Variants in KDM3B observed in about 807,000 individuals in gnomAD.
KDM3B encodes the protein lysine demethylase 3B.
Under a neutral mutation model 170.0 loss-of-function variants are expected in KDM3B, and 10 were observed. That is an observed-to-expected ratio of 0.06 (90% CI 0.04 to 0.10). The LOEUF is 0.10. Ranked by LOEUF, KDM3B falls within the 10% of genes least tolerant of loss-of-function variation. The pLI is 1.00. For synonymous variants in KDM3B, 831 were observed against 834.8 expected, an observed-to-expected ratio of 1.00 and a Z score of 0.08; for missense variants, 1,394 against 2,195.2, an observed-to-expected ratio of 0.64 and a Z score of 7.29.
intron 9 of KDM3B, among the ~76,000 whole-genome samples, chr5:138,394,987 G>A (rs1027686470): frequency 6.6e-6 from 1 of 152,142 alleles, no homozygotes; most frequent in African/African-American, 2.4e-5. Flanking sequence ...ACTTAAGGAT[G>A]ATTCTATGTC....
At chr5:138,360,522 T>TTGTGTG (rs55976818) in intron 1 of KDM3B, among the ~76,000 whole-genome samples, 7,478 of 137,888 alleles carry the variant, frequency 0.054, 253 homozygotes, top group Non-Finnish European at 0.073. Context: ...TAAAAAAAGA[T>TTGTGTG]TGTGTGTGTG....
intron 7 of KDM3B, among the ~76,000 whole-genome samples, chr5:138,389,827 C>T (rs1336991296): frequency 7.0e-6 from 1 of 141,940 alleles, no homozygotes; most frequent in Non-Finnish European, 1.5e-5. Flanking sequence ...TTTCTCTTGT[C>T]TGTATCTGGG....
intron 1 of KDM3B, among the ~76,000 whole-genome samples, chr5:138,353,596 A>T (rs1761385130): frequency 6.6e-6 from 1 of 151,740 alleles, no homozygotes; most frequent in African/African-American, 2.4e-5. Flanking sequence ...CCTTTCCTTA[A>T]CGCTTCTGGG....
intron 17 of KDM3B, among the ~76,000 whole-genome samples, chr5:138,426,098 G>A (rs887619798): frequency 8.5e-5 from 13 of 152,200 alleles, no homozygotes; most frequent in Admixed American, 7.9e-4. Flanking sequence ...GCAATCACAT[G>A]ACTCCCAGAG....
At chr5:138,387,210 G>A (rs1164671759) in intron 7 of KDM3B, among the ~76,000 whole-genome samples, 6 of 152,044 alleles carry the variant, frequency 3.9e-5, no homozygotes. Flanking sequence ...TATCTGATAT[G>A]CATATATTGT....
At chr5:138,423,708 C>A (rs1006154617) in intron 15 of KDM3B, among the ~76,000 whole-genome samples, 2 of 152,088 alleles carry the variant, frequency 1.3e-5, no homozygotes, top group African/African-American at 4.8e-5. Flanking sequence ...AATTTAGAAC[C>A]CTCAAACTGA....
intron 1 of KDM3B, among the ~76,000 whole-genome samples, chr5:138,360,987 T>C (rs1761593555): frequency 6.6e-6 from 1 of 152,162 alleles, no homozygotes; most frequent in Admixed American, 6.5e-5. Context: ...TTCCTGGGTC[T>C]CTTCTCCAAC....
At chr5:138,384,567 G>A (rs1219038512) in intron 6 of KDM3B, among the ~76,000 whole-genome samples, 2 of 151,564 alleles carry the variant, frequency 1.3e-5, no homozygotes, top group African/African-American at 4.9e-5. Context: ...GTGAAACCCT[G>A]TCTCTACTAA....
intron 17 of KDM3B, among the ~76,000 whole-genome samples, chr5:138,426,574 C>CAA (rs566978034): frequency 4.8e-4 from 33 of 69,074 alleles, no homozygotes; most frequent in Non-Finnish European, 7.0e-4. Flanking sequence ...GACTCCATCT[C>CAA]AAAAAAAAAA....
intron 20 of KDM3B, among the ~76,000 whole-genome samples, chr5:138,428,946 T>C (rs6873127): frequency 0.014 from 1,264 of 90,302 alleles, 6 homozygotes; most frequent in African/African-American, 0.032. Flanking sequence ...ATTTCTTTTT[T>C]TTTTTTTTTT....
rs746078247 is a variant in KDM3B at position 138,400,022 on chromosome 5, C to T, written c.3199+10C>T. On this transcript the variant is annotated intron_variant, in intron 11 of 23. Transcript: ENST00000314358. ...AGCCGGCCACGCAGTGGTAAGTAAA[C>T]ATTGTCCTGTGTAGCTCGAAAGGTA... 2 of 1,614,056 alleles carry T rather than the reference C, an allele frequency of 1.2e-6. No homozygotes were observed. The highest frequency in any genetic ancestry group is 1.7e-6 in the Non-Finnish European group (2 of 1,179,928).
chr5:138,409,902 A>G (rs7733488), intron 11 of KDM3B, among the ~76,000 whole-genome samples: 21,714 of 152,274 alleles, frequency 0.14, 1,843 homozygotes, highest in South Asian at 0.25. Flanking sequence ...AGCCTGACCA[A>G]CATGGAGAAA....
chr5:138,432,379 G>A (rs1763556875), intron 23 of KDM3B, among the ~76,000 whole-genome samples: 1 of 152,130 alleles, frequency 6.6e-6, no homozygotes, highest in South Asian at 2.1e-4. Context: ...TTTAAGGGCA[G>A]AATTTCATCA....
intron 7 of KDM3B, among the ~76,000 whole-genome samples, chr5:138,388,410 A>T (rs1172673090): frequency 6.6e-6 from 1 of 151,972 alleles, no homozygotes; most frequent in African/African-American, 2.4e-5. Flanking sequence ...AGGCGGGCGG[A>T]TCACGAGGTC....
At chr5:138,355,042 G>T (rs928644765) in intron 1 of KDM3B, among the ~76,000 whole-genome samples, 2 of 152,112 alleles carry the variant, frequency 1.3e-5, no homozygotes, top group Non-Finnish European at 2.9e-5. Context: ...CCTTTGGACC[G>T]TAGGCATGTG....
chr5:138,419,692 T>TATATATACACACACAC (rs1763212740), intron 14 of KDM3B, among the ~76,000 whole-genome samples: 1 of 112,984 alleles, frequency 8.9e-6, no homozygotes, highest in South Asian at 2.7e-4. Flanking sequence ...TATATATACA[T>TATATATACACACACAC]ATATATATAC....
chr5:138,427,846 A>G, intron 19 of KDM3B, 121 bp from the exon 20 acceptor site: 30 of 818,138 alleles, frequency 3.7e-5, no homozygotes, highest in African/African-American at 5.1e-5. Flanking sequence ...AAACAAATAG[A>G]CTTCACTCTC....
At chr5:138,370,123 A>C (rs1290217109) in intron 1 of KDM3B, among the ~76,000 whole-genome samples, 1 of 152,280 alleles carries the variant, frequency 6.6e-6, no homozygotes, top group Non-Finnish European at 1.5e-5. Context: ...CCCCTACAAC[A>C]TGTATGTATG....
intron 11 of KDM3B, among the ~76,000 whole-genome samples, chr5:138,402,025 C>T (rs1762706894): frequency 6.6e-6 from 1 of 151,800 alleles, no homozygotes. Flanking sequence ...ACCGCCTGGG[C>T]CCAAGCAGTT....
Sources: allele counts gnomAD v4.1 joint callset (sites outside exome capture counted in the v4.1 genomes callset), GRCh38; gene constraint gnomAD v4.1.1; transcripts MANE v1.5; gene names NCBI Gene and HGNC (gene_info 2026-07-23, HGNC 2026-07-21).